CEACAM6: variants seen among roughly 807,000 people sequenced by gnomAD.
CEACAM6 encodes the protein cell adhesion molecule CEACAM6.
In CEACAM6, 21 loss-of-function variants were observed where a neutral mutation model predicts 32.4. The ratio of observed to expected loss-of-function variants is 0.65; its 90% confidence interval spans 0.46 to 0.93. The LOEUF (loss-of-function observed/expected upper bound fraction) is 0.93. CEACAM6 is among the 40% of genes least tolerant of loss of function. The pLI is 0.00. For synonymous variants in CEACAM6, 184 were observed against 174.4 expected (o/e 1.06, Z -0.43); for missense variants, 406 against 432.2 (o/e 0.94, Z 0.54).
chr19:41,770,287 G>A (rs1358809994), intron 5 of CEACAM6, among the ~76,000 whole-genome samples: 13 of 151,624 alleles, frequency 8.6e-5, no homozygotes, highest in African/African-American at 3.2e-4. Flanking sequence ...GCTAGGTGTG[G>A]TGGCGGGCTC....
intron 5 of CEACAM6, among the ~76,000 whole-genome samples, chr19:41,768,716 G>T (rs1555822640): frequency 6.7e-6 from 1 of 148,252 alleles, no homozygotes; most frequent in African/African-American, 2.5e-5. Context: ...GGGGCGGCTG[G>T]CCGGGCGGGG....
At chr19:41,770,175 G>A (rs917341999) in intron 5 of CEACAM6, among the ~76,000 whole-genome samples, 6 of 151,098 alleles carry the variant, frequency 4.0e-5, no homozygotes, top group Non-Finnish European at 8.8e-5. Flanking sequence ...ACTTTGGGAG[G>A]CCGAGGTGGG....
intron 2 of CEACAM6, among the ~76,000 whole-genome samples, chr19:41,759,333 G>A (rs1400553724): frequency 6.6e-6 from 1 of 152,204 alleles, no homozygotes; most frequent in Non-Finnish European, 1.5e-5. Flanking sequence ...CTCTCATTGT[G>A]TTTTCTCAGG....
At chr19:41,765,000 C>T (rs1468190147) in intron 4 of CEACAM6, among the ~76,000 whole-genome samples, 3 of 152,166 alleles carry the variant, frequency 2.0e-5, no homozygotes, top group Non-Finnish European at 4.4e-5. Context: ...TTCATAGTAT[C>T]GTTTTGAAGA....
chr19:41,759,127 CT>C (rs1195611833), intron 2 of CEACAM6, among the ~76,000 whole-genome samples: 2 of 152,196 alleles, frequency 1.3e-5, no homozygotes, highest in Non-Finnish European at 2.9e-5. Context: ...GGCTCACATC[CT>C]CCAGTCATTC....
Position 41,766,254 on chromosome 19 carries a change from A to T in CEACAM6, c.1030A>T (p.Ile344Leu), listed in dbSNP as rs1555822389. ...TIGVLARVALI is the reference protein window; with the variant it reads ...TIGVLARVALL Reference sequence around the variant, plus strand: ...TGGAGTGCTGGCCAGGGTGGCTCTGATATAGCAGCCCTGGTGTATTTTCGA... The same window carrying T: ...TGGAGTGCTGGCCAGGGTGGCTCTGTTATAGCAGCCCTGGTGTATTTTCGA... The change falls in exon 5 of 6, where the codon ATA (isoleucine) becomes TTA (leucine). Residue 344 changes from isoleucine to leucine, a missense_variant. Transcript: ENST00000199764. 6.3e-7 allele frequency: 1 copy of T among 1,595,922 alleles called. No individual in the cohort carries two copies.
At position 41,771,275 on chromosome 19, in the gene CEACAM6, T is replaced by A. The variant is rs2072993019; in HGVS notation, c.*514T>A. The A allele has an allele frequency of 6.6e-6, 1 of 152,220 alleles. No homozygotes were observed. The highest frequency in any genetic ancestry group is 1.5e-5 in the Non-Finnish European group (1 of 68,042). 9.4% of individuals were successfully genotyped at this position (152,220 alleles called of 1,614,324 possible). A position where few individuals can be genotyped will look rare whatever the true frequency, so the allele number is the denominator to read the frequency against. On this transcript the variant is annotated 3_prime_UTR_variant, in exon 6 of 6. Transcript: ENST00000199764. The stretch of plus-strand genomic sequence containing the variant: ...CACCCAGTGACTGACATTAGCAGCA[T>A]CTTTAACACAGCCGTGTGTTCAAAT...
chr19:41,766,923 G>A (rs1198913074), intron 5 of CEACAM6, among the ~76,000 whole-genome samples: 1 of 149,560 alleles, frequency 6.7e-6, no homozygotes, highest in African/African-American at 2.5e-5. Flanking sequence ...GGAGAATGGC[G>A]TGAACCTGGG....
At chr19:41,764,641 C>T (rs781959844) in intron 4 of CEACAM6, among the ~76,000 whole-genome samples, 6 of 152,140 alleles carry the variant, frequency 3.9e-5, no homozygotes, top group Non-Finnish European at 8.8e-5. Flanking sequence ...CTCAGTCAAC[C>T]TAGTAAATGA....
At position 41,756,601 on chromosome 19, in the gene CEACAM6, C is replaced by T; in HGVS notation, c.66C>T (p.Ala22=). ...CCGATGCTCTCTCCTCTCTCCTAGC[C>T]TCACTTCTAACCTTCTGGAACCCAC... ...HVPWKEVLLT[A]SLLTFWNPPT... Residue 22 remains alanine (A), a splice_region_variant and synonymous_variant, in exon 2 of 6, where the codon GCC becomes GCT. Coordinates refer to ENST00000199764, the MANE Select transcript of CEACAM6 (RefSeq NM_002483.7). 6.2e-7 allele frequency: 1 copy of T among 1,613,354 alleles called. No individual in the cohort carries two copies. The highest frequency in any genetic ancestry group is 8.5e-7 in the Non-Finnish European group (1 of 1,179,558).
Position 41,756,842 on chromosome 19 carries a change from C to T in CEACAM6, c.307C>T (p.Pro103Ser), listed in dbSNP as rs781957174. 3 of 1,613,944 alleles carry T rather than the reference C, an allele frequency of 1.9e-6. No individual in the cohort carries two copies. The African/African-American group carries it at 4.0e-5, about 22-fold the overall frequency. The change falls in exon 2 of 6, where the codon CCC becomes TCC. Residue 103 changes from proline to serine, a missense_variant. By Grantham distance (74) the Pro-to-Ser change is moderately conservative. Transcript: ENST00000199764. ...PAYSGRETIYPNASLLIQNVT... is the reference protein window; with the variant it reads ...PAYSGRETIYSNASLLIQNVT... ...ATACAGTGGTCGAGAGACAATATAC[C>T]CCAATGCATCCCTGCTGATCCAGAA...
At chr19:41,756,550 C>T (rs368621450) in intron 1 of CEACAM6, 50 bp from the exon 2 acceptor site, 4 of 1,573,266 alleles carry the variant, frequency 2.5e-6, no homozygotes, top group Non-Finnish European at 3.4e-6. Flanking sequence ...TGTTTTTCCA[C>T]CCTAATGCAT....
intron 1 of CEACAM6, 143 bp from the exon 2 acceptor site, chr19:41,756,453 GACAC>G (rs4060857): frequency 0.27 from 249,071 of 911,562 alleles, 12,182 homozygotes; most frequent in East Asian, 0.44. Flanking sequence ...GACTCAGTAG[GACAC>G]ACACACACAC....
In CEACAM6 at chr19:41,756,960, G is replaced by A. The variant is rs782773255; in HGVS notation, c.424+1G>A. The A allele has an allele frequency of 1.2e-5, 19 of 1,595,604 alleles. No homozygotes were observed. The highest frequency in any genetic ancestry group is 2.7e-5 in the African/African-American group (2 of 74,464). On this transcript the variant is annotated splice_donor_variant, in intron 2 of 5. Transcript: ENST00000199764. LOFTEE classifies it high-confidence loss of function. ...GCAACCGGACAGTTCCATGTATACC[G>A]TGAGTATTTCCACATGACCTCTGGG...
intron 5 of CEACAM6, among the ~76,000 whole-genome samples, chr19:41,768,750 C>G (rs569854711): frequency 6.8e-6 from 1 of 147,920 alleles, no homozygotes; most frequent in Non-Finnish European, 1.5e-5. Flanking sequence ...ACCTCCCTCC[C>G]GGACGGGGCG....
intron 5 of CEACAM6, 62 bp from the exon 6 acceptor site, chr19:41,770,740 G>T (rs1286801452): frequency 6.6e-6 from 1 of 152,054 alleles, no homozygotes; most frequent in Non-Finnish European, 1.5e-5. Context: ...AAAAACTATA[G>T]TACACCTGTT....
intron 4 of CEACAM6, among the ~76,000 whole-genome samples, chr19:41,763,324 C>T (rs1308742614): frequency 1.3e-5 from 2 of 152,154 alleles, no homozygotes; most frequent in Non-Finnish European, 2.9e-5. Flanking sequence ...CTTCTGGTCT[C>T]CCGCTCAAAC....
At chr19:41,765,426 A>G (rs1555822305) in intron 4 of CEACAM6, among the ~76,000 whole-genome samples, 1 of 152,180 alleles carries the variant, frequency 6.6e-6, no homozygotes, top group Non-Finnish European at 1.5e-5. Context: ...GAGAGGAAAA[A>G]CAGTGCAAAG....
chr19:41,761,154 G>T (rs2072920330), intron 2 of CEACAM6, 95 bp from the exon 3 acceptor site: 11 of 1,588,860 alleles, frequency 6.9e-6, no homozygotes, highest in Middle Eastern at 1.8e-4. Context: ...ACTCAAGGGG[G>T]CTGAGAGGTG....
Sources: allele counts gnomAD v4.1 joint callset (sites outside exome capture counted in the v4.1 genomes callset), GRCh38; gene constraint gnomAD v4.1.1; transcripts MANE v1.5; gene names NCBI Gene and HGNC (gene_info 2026-07-23, HGNC 2026-07-21).